RBM25: variants seen among roughly 807,000 people sequenced by gnomAD.
RBM25 encodes the protein RNA-binding protein 25.
RBM25 carries 19 observed loss-of-function variants against 120.7 expected under a neutral mutation model. The ratio of observed to expected loss-of-function variants is 0.16; its 90% CI spans 0.11 to 0.23. The LOEUF (loss-of-function observed/expected upper bound fraction) is 0.23. Among genes scored for constraint, RBM25 ranks in the 10% least tolerant of loss-of-function variants. The pLI is 1.00. For synonymous variants in RBM25, 390 were observed against 326.7 expected, an observed-to-expected ratio of 1.19 and a Z score of -2.09; for missense variants, 605 against 1,041.5, an observed-to-expected ratio of 0.58 and a Z score of 5.77.
chr14:73,066,468 C>T (rs1185426705), intron 1 of RBM25, among the ~76,000 whole-genome samples: 1 of 152,066 alleles, frequency 6.6e-6, no homozygotes, highest in Non-Finnish European at 1.5e-5. Context: ...GAAACCCCGT[C>T]TCTACTAAAA....
rs1229938818 is a variant in RBM25, at chr14:73,119,528, A to G, written c.2440-185A>G. 2.6e-5 allele frequency among the ~76,000 whole-genome samples: 4 copies of G among 152,202 alleles called. No individual in the cohort carries two copies. In the South Asian group the frequency reaches 6.2e-4, roughly 24 times the overall value. On this transcript the variant is annotated intron_variant, in intron 18 of 18. Transcript: ENST00000261973. The stretch of plus-strand genomic sequence containing the variant: ...GATCCGCTCGCTTCGGCCTCCCAAA[A>G]TGCTGGGATTACAGGCGTGAGCCAC...
At chr14:73,103,624 G>A in intron 10 of RBM25, 146 bp downstream of exon 10, 1 of 1,254,652 alleles carries the variant, frequency 8.0e-7, no homozygotes, top group Non-Finnish European at 1.0e-6. Context: ...GGACTGCAGT[G>A]GCTGAGCAAT....
At chr14:73,114,558 A>G (rs1263495531) in intron 18 of RBM25, among the ~76,000 whole-genome samples, 5 of 152,128 alleles carry the variant, frequency 3.3e-5, no homozygotes, top group East Asian at 1.9e-4. Context: ...ATTAACATCT[A>G]TATAAACTCA....
intron 7 of RBM25, among the ~76,000 whole-genome samples, chr14:73,098,111 A>G (rs1346322587): frequency 6.6e-6 from 1 of 152,162 alleles, no homozygotes; most frequent in African/African-American, 2.4e-5. Context: ...AAGAAAAAAA[A>G]TCCCACAAAT....
chr14:73,109,593 A>G lies in RBM25; in HGVS notation c.1692+101A>G, dbSNP rs534963272. On this transcript the variant is annotated intron_variant, in intron 14 of 18. Transcript: ENST00000261973. ...CGGATCACGAGGTCGGGAGATCGAG[A>G]TCATCCTGGCTAACACGGTGAAACC... 3 of 1,124,878 alleles carry G rather than the reference A, an allele frequency of 2.7e-6. No individual in the cohort carries two copies. In the African/African-American group the frequency reaches 4.7e-5, roughly 18 times the overall value. The allele number at this position is 1,124,878 out of a possible 1,614,324, so 69.7% of individuals were successfully genotyped here. A position where few individuals can be genotyped will look rare whatever the true frequency, so the allele number is the denominator to read the frequency against.
chr14:73,117,210 C>CT lies in RBM25; in HGVS notation c.2440-2469dup, dbSNP rs71112704. On this transcript the variant is annotated intron_variant, in intron 18 of 18. Coordinates refer to ENST00000261973, the MANE Select transcript of RBM25 (RefSeq NM_021239.3). ...TTTCTTTTAATTTCTTTCTTCTTTT[C>CT]TTTTTTTTTTTTTTTTTTTTTTTTT... is the stretch of plus-strand genomic sequence containing the variant. Among the ~76,000 whole-genome samples the CT allele has an allele frequency of 3.2e-3, 159 of 49,400 alleles. 19 individuals are homozygous for CT. The highest frequency in any genetic ancestry group is 3.9e-3 in the Non-Finnish European group (107 of 27,312). 32.4% of individuals were successfully genotyped at this position (49,400 alleles called of 152,430 possible).
Position 73,094,841 on chromosome 14 carries a change from GTC to G in RBM25, c.544-2072_544-2071del, listed in dbSNP as rs766859224. Among the ~76,000 whole-genome samples, 354 of 115,530 alleles carry G rather than the reference GTC, an allele frequency of 3.1e-3. 1 individual carries two copies. Among genetic ancestry groups the G allele is most frequent in the African/African-American group, 9.3e-3 (315 of 33,694 alleles). 75.8% of individuals were successfully genotyped at this position (115,530 alleles called of 152,430 possible). On this transcript the variant is annotated intron_variant, in intron 6 of 18. Transcript: ENST00000261973. The stretch of plus-strand genomic sequence containing the variant: ...TGTGTGTGTGTGTGTGTGTGTGTGT[GTC>G]TGTGTGTGTGTGTGTGTTTTTGATG...
Position 73,097,101 on chromosome 14 carries a change from G to A in RBM25, c.729+1G>A. 1 of 1,602,250 alleles carries A rather than the reference G, an allele frequency of 6.2e-7. No homozygotes were observed. Among genetic ancestry groups the A allele is most frequent in the Non-Finnish European group, 8.5e-7 (1 of 1,174,954 alleles). ...GAAGAAGAAGGAAAAGAAGGAGGAC[G>A]TATGTGTTCTGACAACAACATATCA... is the stretch of plus-strand genomic sequence containing the variant. On this transcript the variant is annotated splice_donor_variant, in intron 7 of 18. Coordinates refer to ENST00000261973, the MANE Select transcript of RBM25 (RefSeq NM_021239.3). LOFTEE classifies it high-confidence loss of function.
intron 2 of RBM25, among the ~76,000 whole-genome samples, chr14:73,075,578 CAA>C (rs1382706751): frequency 2.0e-5 from 3 of 152,118 alleles, no homozygotes; most frequent in Non-Finnish European, 2.9e-5. Flanking sequence ...CTTTATTTGA[CAA>C]AATTTTATAT....
intron 9 of RBM25, chr14:73,101,384 T>C (rs1896052595): frequency 6.6e-6 from 1 of 152,176 alleles, no homozygotes; most frequent in Admixed American, 6.6e-5. Context: ...TTTATGATTT[T>C]TTAATCTGTC....
chr14:73,074,992 T>C (rs1427336991), intron 2 of RBM25, among the ~76,000 whole-genome samples: 1 of 124,894 alleles, frequency 8.0e-6, no homozygotes, highest in African/African-American at 3.7e-5. Context: ...ACTCCCTGCC[T>C]TTTTTTTTTT....
chr14:73,090,168 G>A (rs564380114), intron 6 of RBM25, among the ~76,000 whole-genome samples: 1 of 151,634 alleles, frequency 6.6e-6, no homozygotes, highest in South Asian at 2.1e-4. Flanking sequence ...CTCCTGCTTT[G>A]GCCTACCGAG....
intron 1 of RBM25, among the ~76,000 whole-genome samples, chr14:73,069,018 C>G (rs950743798): frequency 6.6e-6 from 1 of 152,076 alleles, no homozygotes; most frequent in African/African-American, 2.4e-5. Flanking sequence ...ATTCTCTTGC[C>G]TCAGCCTCCC....
chr14:73,110,790 G>T (rs765122867), intron 14 of RBM25, 41 bp from the exon 15 acceptor site: 1 of 1,568,296 alleles, frequency 6.4e-7, no homozygotes, highest in East Asian at 2.2e-5. Context: ...AAGTTGAATG[G>T]TGTAGAGTTG....
At chr14:73,118,969 A>T (rs1896490989) in intron 18 of RBM25, among the ~76,000 whole-genome samples, 3 of 151,916 alleles carry the variant, frequency 2.0e-5, no homozygotes. Context: ...GGGTTTCGTC[A>T]TGTTGGCCAG....
At chr14:73,079,570 T>A (rs988160008) in intron 4 of RBM25, among the ~76,000 whole-genome samples, 1 of 150,790 alleles carries the variant, frequency 6.6e-6, no homozygotes, top group African/African-American at 2.4e-5. Context: ...GTTCACCTCA[T>A]GAGTAGTTCA....
At chr14:73,104,525 C>T (rs1265279668) in intron 10 of RBM25, among the ~76,000 whole-genome samples, 6 of 151,864 alleles carry the variant, frequency 4.0e-5, no homozygotes, top group South Asian at 2.1e-4. Flanking sequence ...ACCACTGTCC[C>T]GGACTAATTT....
At chr14:73,072,213 C>A (rs1264109274) in intron 2 of RBM25, among the ~76,000 whole-genome samples, 1 of 152,066 alleles carries the variant, frequency 6.6e-6, no homozygotes, top group Non-Finnish European at 1.5e-5. Context: ...CTCAAATGAT[C>A]TGCCGGCCTC....
intron 12 of RBM25, 75 bp from the exon 13 acceptor site, chr14:73,107,751 G>C: frequency 3.6e-6 from 4 of 1,109,794 alleles, no homozygotes; most frequent in Non-Finnish European, 5.3e-6. Context: ...AGAAAAATCT[G>C]TTTACACAAA....
Sources: allele counts gnomAD v4.1 joint callset (sites outside exome capture counted in the v4.1 genomes callset), GRCh38; gene constraint gnomAD v4.1.1; transcripts MANE v1.5; gene names NCBI Gene and HGNC (gene_info 2026-07-23, HGNC 2026-07-21).